The following PSD3 variants were observed in gnomAD, a reference collection of about 807,000 sequenced individuals.
The protein encoded by PSD3 is PH and SEC7 domain-containing protein 3.
In PSD3, 49 loss-of-function variants were observed where a neutral mutation model predicts 105.5. The ratio of observed to expected loss-of-function variants is 0.46; its 90% CI spans 0.37 to 0.59. The LOEUF is 0.59. Ranked by LOEUF, PSD3 falls within the 20% of genes least tolerant of loss-of-function variation. PSD3 has a pLI of 0.00. For synonymous variants in PSD3, 557 were observed against 457.8 expected (o/e 1.22, Z -2.77); for missense variants, 1,561 against 1,263.8 (o/e 1.24, Z -3.57).
At chr8:18,687,581 G>T (rs1036215168) in intron 9 of PSD3, among the ~76,000 whole-genome samples, 1 of 150,718 alleles carries the variant, frequency 6.6e-6, no homozygotes, top group South Asian at 2.1e-4. Flanking sequence ...TTTCCTTCCC[G>T]TACCATTTTC....
intron 1 of PSD3, among the ~76,000 whole-genome samples, chr8:19,025,376 GACTC>G (rs145752806): frequency 0.09 from 13,758 of 152,194 alleles, 664 homozygotes; most frequent in African/African-American, 0.12. Context: ...CGTTGGGCAT[GACTC>G]ACTCTCTTGA....
intron 1 of PSD3, among the ~76,000 whole-genome samples, chr8:19,066,491 C>T (rs1829079669): frequency 6.6e-6 from 1 of 152,200 alleles, no homozygotes; most frequent in Admixed American, 6.5e-5. Flanking sequence ...CCAGTTGACA[C>T]TTTCTTCCAG....
At chr8:18,880,380 A>G (rs1312517112) in intron 2 of PSD3, among the ~76,000 whole-genome samples, 2 of 152,206 alleles carry the variant, frequency 1.3e-5, no homozygotes, top group South Asian at 2.1e-4. Flanking sequence ...TTTCCAGAAC[A>G]TGAAAAGTCT....
intron 11 of PSD3, among the ~76,000 whole-genome samples, chr8:18,627,530 G>T (rs1469078265): frequency 6.6e-6 from 1 of 152,022 alleles, no homozygotes; most frequent in Non-Finnish European, 1.5e-5. Context: ...GATAGACTGT[G>T]TAATACATGC....
In PSD3 at chr8:18,596,285, A is replaced by G. The variant is rs183931287; in HGVS notation, c.2481+4079T>C. ...AATAGGCAAGTTTATGGTAATAAAC[A>G]CTTAACATTAGAAAAGAAGAAAGAT... On this transcript the variant is annotated intron_variant, in intron 12 of 15. Transcript: ENST00000327040. 2.5e-3 allele frequency among the ~76,000 whole-genome samples: 379 copies of G among 152,222 alleles called. 1 individual carries two copies. The highest frequency in any genetic ancestry group is 6.8e-3 in the Middle Eastern group (2 of 294).
intron 14 of PSD3, among the ~76,000 whole-genome samples, chr8:18,570,856 T>C (rs1275519825): frequency 2.0e-5 from 3 of 149,620 alleles, no homozygotes; most frequent in African/African-American, 2.4e-5. Context: ...TTATTATTAT[T>C]ATTATTATTA....
At chr8:18,855,544 G>A (rs1255276662) in intron 4 of PSD3, among the ~76,000 whole-genome samples, 1 of 152,182 alleles carries the variant, frequency 6.6e-6, no homozygotes, top group Non-Finnish European at 1.5e-5. Flanking sequence ...AAAGGGTAAA[G>A]ACAGAAAGGG....
At chr8:19,028,625 C>T (rs1012224433) in intron 1 of PSD3, among the ~76,000 whole-genome samples, 1 of 152,062 alleles carries the variant, frequency 6.6e-6, no homozygotes, top group Non-Finnish European at 1.5e-5. Flanking sequence ...TAAATGTTTT[C>T]TCCCTGGCTT....
At chr8:18,953,478 G>T (rs904886398) in intron 1 of PSD3, among the ~76,000 whole-genome samples, 1 of 152,196 alleles carries the variant, frequency 6.6e-6, no homozygotes, top group East Asian at 1.9e-4. Context: ...GCCGGGTGTG[G>T]TGGCTCACGC....
chr8:18,745,432 C>T (rs1361255942), intron 9 of PSD3, among the ~76,000 whole-genome samples: 2 of 152,198 alleles, frequency 1.3e-5, no homozygotes, highest in Non-Finnish European at 2.9e-5. Flanking sequence ...CACTTTGTTG[C>T]TCAAATTGTT....
intron 4 of PSD3, among the ~76,000 whole-genome samples, chr8:18,845,795 C>A (rs748565880): frequency 3.0e-4 from 45 of 152,068 alleles, no homozygotes; most frequent in Non-Finnish European, 5.4e-4. Context: ...AAATAAATGG[C>A]GGAAGAAGGG....
At position 18,676,458 on chromosome 8, in the gene PSD3, T is replaced by C. The variant is rs563888065; in HGVS notation, c.2173-20773A>G. 2.6e-5 allele frequency among the ~76,000 whole-genome samples: 4 copies of C among 152,290 alleles called. No homozygotes were observed. The East Asian group carries it at 7.7e-4, about 29-fold the overall frequency. On this transcript the variant is annotated intron_variant, in intron 9 of 15. Coordinates refer to ENST00000327040, the MANE Select transcript of PSD3 (RefSeq NM_015310.4). ...GCCATACCCGCTAACCCTGAGGACTTAGTCACACAAAGAAAAGAGCCATTC... is the reference window on the plus strand; with the variant it reads ...GCCATACCCGCTAACCCTGAGGACTCAGTCACACAAAGAAAAGAGCCATTC...
chr8:18,642,044 G>A (rs1009939381), intron 10 of PSD3, among the ~76,000 whole-genome samples: 1 of 152,112 alleles, frequency 6.6e-6, no homozygotes, highest in African/African-American at 2.4e-5. Context: ...AAAATGTTAG[G>A]CTTCATCACT....
chr8:18,619,165 C>T (rs1426238744), intron 11 of PSD3, among the ~76,000 whole-genome samples: 3 of 152,124 alleles, frequency 2.0e-5, no homozygotes, highest in African/African-American at 7.2e-5. Flanking sequence ...CATGGACCCC[C>T]TCTTGACCAA....
Position 18,556,270 on chromosome 8 carries a change from T to C in PSD3, c.2867A>G (p.Lys956Arg), listed in dbSNP as rs755461757. The change falls in exon 15 of 16, where the codon AAG becomes AGG. Residue 956 changes from lysine to arginine, a missense_variant. Physicochemically the swap from Lys to Arg is conservative, Grantham distance 26. Coordinates refer to ENST00000327040, the MANE Select transcript of PSD3 (RefSeq NM_015310.4). The part of the protein sequence containing the change: ...LAEHRSYPPD[K>R]KVKAKDVDEY... The stretch of plus-strand genomic sequence containing the variant: ...ATCGACGTCCTTGGCTTTGACCTTC[T>C]TGTCGGGGGGATATGAGCGGTGCTC... 13 of 1,614,156 alleles carry C rather than the reference T, an allele frequency of 8.1e-6. No individual in the cohort carries two copies. Among genetic ancestry groups the C allele is most frequent in the South Asian group, 1.1e-5 (1 of 91,074 alleles).
chr8:19,075,534 A>G (rs1314818464), intron 1 of PSD3, among the ~76,000 whole-genome samples: 1 of 152,166 alleles, frequency 6.6e-6, no homozygotes, highest in Non-Finnish European at 1.5e-5. Flanking sequence ...CAAAACTCAA[A>G]TCCTCTTTAC....
chr8:18,954,409 G>C (rs1041194195), intron 1 of PSD3, among the ~76,000 whole-genome samples: 2 of 152,040 alleles, frequency 1.3e-5, no homozygotes, highest in African/African-American at 4.8e-5. Context: ...TATGGAAAAA[G>C]TATATCAGTT....
intron 2 of PSD3, among the ~76,000 whole-genome samples, chr8:18,920,017 TAA>T (rs11288084): frequency 2.4e-4 from 27 of 114,670 alleles, no homozygotes; most frequent in African/African-American, 7.9e-4. Flanking sequence ...ATAAATAAAT[TAA>T]AAAAAAAAAA....
intron 1 of PSD3, among the ~76,000 whole-genome samples, chr8:19,074,043 C>G (rs1242091613): frequency 3.3e-5 from 5 of 152,080 alleles, no homozygotes; most frequent in Non-Finnish European, 7.4e-5. Flanking sequence ...GCCCACCTCG[C>G]CCTCCCAAAG....
Sources: gnomAD v4.1 joint callset for allele counts (sites outside exome capture counted in the v4.1 genomes callset) on GRCh38, gnomAD v4.1.1 for gene constraint, MANE v1.5 for transcripts, NCBI Gene and HGNC (gene_info 2026-07-23, HGNC 2026-07-21) for gene names.